PHACTR3: variants seen among roughly 807,000 people sequenced by gnomAD.
PHACTR3 encodes phosphatase and actin regulator 3.
Under a neutral mutation model 66.8 loss-of-function variants are expected in PHACTR3, and 16 were observed. The ratio of observed to expected loss-of-function variants is 0.24; its 90% CI spans 0.16 to 0.36. The LOEUF (loss-of-function observed/expected upper bound fraction) is 0.36. Ranked by LOEUF, PHACTR3 falls within the 10% of genes least tolerant of loss-of-function variation. The pLI is 1.00. For synonymous variants in PHACTR3, 323 were observed against 292.1 expected, an observed-to-expected ratio of 1.11 and a Z score of -1.08; for missense variants, 647 against 719.9, an observed-to-expected ratio of 0.90 and a Z score of 1.16.
chr20:59,680,996 T>C (rs1434812965), intron 1 of PHACTR3, among the ~76,000 whole-genome samples: 1 of 152,252 alleles, frequency 6.6e-6, no homozygotes, highest in Admixed American at 6.5e-5. Flanking sequence ...TGCAGGATGC[T>C]GTGGCATCTG....
At chr20:59,627,526 T>C (rs1055103662) in intron 1 of PHACTR3, among the ~76,000 whole-genome samples, 2 of 152,022 alleles carry the variant, frequency 1.3e-5, no homozygotes, top group East Asian at 1.9e-4. Context: ...AGGATGGGGG[T>C]TGGGCAAATC....
At chr20:59,787,580 AC>A (rs2040955089) in intron 7 of PHACTR3, among the ~76,000 whole-genome samples, 1 of 152,218 alleles carries the variant, frequency 6.6e-6, no homozygotes, top group African/African-American at 2.4e-5. Context: ...TGTTCTGCCA[AC>A]AACCGTGGCA....
intron 1 of PHACTR3, among the ~76,000 whole-genome samples, chr20:59,674,698 T>A (rs2036359308): frequency 8.1e-6 from 1 of 122,712 alleles, no homozygotes; most frequent in African/African-American, 3.2e-5. Flanking sequence ...TGTTCCTGCC[T>A]TCTCCTGTCC....
rs562902464 is a variant in PHACTR3 at position 59,688,040 on chromosome 20, C to T, written c.119-55067C>T. Among the ~76,000 whole-genome samples, 101 of 152,230 alleles carry T rather than the reference C, an allele frequency of 6.6e-4. 1 individual carries two copies. Among genetic ancestry groups the T allele is most frequent in the South Asian group, 4.8e-3 (23 of 4,824 alleles). ...GCAGCCTCAGGCACAGAACCCTTGA[C>T]GGGCATGGGGTCTTGCCAGAATGGA... On this transcript the variant is annotated intron_variant, in intron 1 of 12. Coordinates refer to ENST00000371015, the MANE Select transcript of PHACTR3 (RefSeq NM_080672.5).
intron 1 of PHACTR3, among the ~76,000 whole-genome samples, chr20:59,625,865 T>A (rs1220773142): frequency 6.6e-6 from 1 of 152,204 alleles, no homozygotes; most frequent in Non-Finnish European, 1.5e-5. Flanking sequence ...CGTTTCTGGC[T>A]GGTTCTAGAT....
chr20:59,579,498 G>A (rs536364788), intron 1 of PHACTR3, among the ~76,000 whole-genome samples: 8 of 152,242 alleles, frequency 5.3e-5, no homozygotes, highest in African/African-American at 7.2e-5. Flanking sequence ...GGGTCCTTGA[G>A]GCTGGAAGCC....
At chr20:59,720,855 G>A (rs1163994824) in intron 1 of PHACTR3, among the ~76,000 whole-genome samples, 1 of 152,280 alleles carries the variant, frequency 6.6e-6, no homozygotes, top group Non-Finnish European at 1.5e-5. Flanking sequence ...GAAAATTAAA[G>A]ACTTGATAAA....
chr20:59,662,440 A>G (rs537363192), intron 1 of PHACTR3, among the ~76,000 whole-genome samples: 2 of 152,230 alleles, frequency 1.3e-5, no homozygotes, highest in South Asian at 2.1e-4. Flanking sequence ...TGTTTCAGAC[A>G]GGGGTCCTGA....
intron 1 of PHACTR3, among the ~76,000 whole-genome samples, chr20:59,581,972 A>C (rs1431832068): frequency 6.6e-6 from 1 of 152,184 alleles, no homozygotes; most frequent in Non-Finnish European, 1.5e-5. Context: ...TCAGGGGATA[A>C]GTTTTTCTGG....
intron 1 of PHACTR3, among the ~76,000 whole-genome samples, chr20:59,654,156 C>CA (rs1387311980): frequency 6.6e-6 from 1 of 152,088 alleles, no homozygotes; most frequent in Non-Finnish European, 1.5e-5. Context: ...GATGGTACTT[C>CA]AAAAAATAAT....
chr20:59,737,349 C>A (rs764886294), intron 1 of PHACTR3, among the ~76,000 whole-genome samples: 9 of 152,184 alleles, frequency 5.9e-5, no homozygotes, highest in Non-Finnish European at 1.0e-4. Context: ...CTGGCACGTG[C>A]CTGAGCTGTT....
At chr20:59,627,876 T>C (rs961593308) in intron 1 of PHACTR3, among the ~76,000 whole-genome samples, 1 of 152,240 alleles carries the variant, frequency 6.6e-6, no homozygotes, top group Middle Eastern at 3.2e-3. Flanking sequence ...TCAATATATC[T>C]ATAATCTATT....
chr20:59,847,358 G>A lies in PHACTR3; in HGVS notation c.*228G>A. On this transcript the variant is annotated 3_prime_UTR_variant, in exon 13 of 13. Transcript: ENST00000371015. ...TGTCTGAGGAGTGTGAACTGTTGGG[G>A]TCAGTTAAGACCCAACATAACTCTA... 3 of 415,566 alleles carry A rather than the reference G, an allele frequency of 7.2e-6. No homozygotes were observed. The highest frequency in any genetic ancestry group is 1.3e-5 in the Non-Finnish European group (3 of 223,976). The allele number at this position is 415,566 out of a possible 1,614,324, so 25.7% of individuals were successfully genotyped here.
rs575943082 is a variant in PHACTR3, at chr20:59,618,741, C to G, written c.118+13609C>G. Among the ~76,000 whole-genome samples, 8 of 151,132 alleles carry G rather than the reference C, an allele frequency of 5.3e-5. No homozygotes were observed. In the East Asian group the frequency reaches 1.6e-3, roughly 29 times the overall value. On this transcript the variant is annotated intron_variant, in intron 1 of 12. Coordinates refer to ENST00000371015, the MANE Select transcript of PHACTR3 (RefSeq NM_080672.5). ...GGTGCTGTCTCACCCTGAGCAGGGC[C>G]GAGAGCCTGAGAGGTGCTGTCTCAC...
At chr20:59,696,930 A>T (rs1358741577) in intron 1 of PHACTR3, among the ~76,000 whole-genome samples, 1 of 152,196 alleles carries the variant, frequency 6.6e-6, no homozygotes, top group East Asian at 1.9e-4. Flanking sequence ...TGCCTGGGGG[A>T]TGGAGACTGA....
rs141834383 is a variant in PHACTR3 at position 59,846,770 on chromosome 20, G to T, written c.1665-345G>T. Among the ~76,000 whole-genome samples the T allele has an allele frequency of 2.9e-4, 44 of 152,250 alleles. 1 individual carries two copies. The highest frequency in any genetic ancestry group is 2.1e-3 in the South Asian group (10 of 4,818). The stretch of plus-strand genomic sequence containing the variant: ...CTATGAACATATTACTCTACAAAAA[G>T]TCATAACTCTACTATAATTTTCAAT... On this transcript the variant is annotated intron_variant, in intron 12 of 12. Transcript: ENST00000371015.
At chr20:59,739,408 A>G (rs1049767679) in intron 1 of PHACTR3, among the ~76,000 whole-genome samples, 3 of 152,234 alleles carry the variant, frequency 2.0e-5, no homozygotes, top group African/African-American at 4.8e-5. Flanking sequence ...CCAAGACTGC[A>G]TGATTTATAA....
At chr20:59,645,228 T>G (rs891568865) in intron 1 of PHACTR3, among the ~76,000 whole-genome samples, 6 of 150,538 alleles carry the variant, frequency 4.0e-5, no homozygotes, top group African/African-American at 7.3e-5. Context: ...GATCTTTTTT[T>G]TTTTTTTTTT....
intron 7 of PHACTR3, among the ~76,000 whole-genome samples, chr20:59,783,705 C>T (rs1056521836): frequency 3.9e-5 from 6 of 152,216 alleles, no homozygotes; most frequent in African/African-American, 1.4e-4. Context: ...TCATAGGTGC[C>T]AGGCACTGCC....
Sources: allele counts gnomAD v4.1 joint callset (sites outside exome capture counted in the v4.1 genomes callset), GRCh38; gene constraint gnomAD v4.1.1; transcripts MANE v1.5; gene names NCBI Gene and HGNC (gene_info 2026-07-23, HGNC 2026-07-21).